SMURF1: variants seen among roughly 807,000 people sequenced by gnomAD.
The protein encoded by SMURF1 is SMAD specific E3 ubiquitin protein ligase 1.
SMURF1 carries 44 observed loss-of-function variants against 98.0 expected under a neutral mutation model. The observed-to-expected ratio is 0.45, with a 90% CI of 0.35 to 0.58. SMURF1 has a LOEUF of 0.58. Among genes scored for constraint, SMURF1 ranks in the 20% least tolerant of loss-of-function variants. SMURF1 has a pLI of 0.00. For missense variants in SMURF1, 687 were observed against 938.4 expected (o/e 0.73, Z 3.50); for synonymous variants, 396 against 374.9 (o/e 1.06, Z -0.65).
chr7:99,049,656 T>A lies in SMURF1; in HGVS notation c.860A>T (p.Glu287Val). 1 of 1,614,194 alleles carries A rather than the reference T, an allele frequency of 6.2e-7. No individual in the cohort carries two copies. Among genetic ancestry groups the A allele is most frequent in the Non-Finnish European group, 8.5e-7 (1 of 1,180,024 alleles). ...CCTCCCAGAAACTGTACTTCTGACT[T>A]CCCAGCCTGGCGGCAGTGGTCCAAG... ...DELGPLPPGW[E>V]VRSTVSGRIY... Residue 287 changes from glutamate (E) to valine (V), a missense_variant, in exon 9 of 18, where the codon GAA (glutamate) becomes GTA (valine). Glu to Val is a moderately radical substitution (Grantham distance 121). This residue lies in a region of SMURF1 where 415 missense variants were observed against 508.4 expected (regional missense o/e 0.82). Coordinates refer to ENST00000361368, the MANE Select transcript of SMURF1 (RefSeq NM_181349.3).
intron 1 of SMURF1, among the ~76,000 whole-genome samples, chr7:99,142,944 A>C (rs35393768): frequency 7.3e-6 from 1 of 136,066 alleles, no homozygotes. Context: ...GGGGGTAAAA[A>C]CGGCGGAGGA....
chr7:99,113,333 C>T (rs761706562), intron 1 of SMURF1, among the ~76,000 whole-genome samples: 3 of 152,000 alleles, frequency 2.0e-5, no homozygotes, highest in African/African-American at 7.2e-5. Context: ...CATCTGACAT[C>T]GCATCAGAAA....
intron 1 of SMURF1, among the ~76,000 whole-genome samples, chr7:99,063,602 A>G (rs1459687534): frequency 6.6e-6 from 1 of 151,644 alleles, no homozygotes; most frequent in Non-Finnish European, 1.5e-5. Flanking sequence ...GATACGATTT[A>G]TATACCACAC....
rs191328941 is a variant in SMURF1, at chr7:99,101,253, T to A, written c.56-39416A>T. ...TGGGTGCAGTGGTGTGTGCCTGTAGTCCCAGCTACTCAGGAGGCTGAGGTG... is the reference window on the plus strand; with the variant it reads ...TGGGTGCAGTGGTGTGTGCCTGTAGACCCAGCTACTCAGGAGGCTGAGGTG... On this transcript the variant is annotated intron_variant, in intron 1 of 17. Coordinates refer to ENST00000361368, the MANE Select transcript of SMURF1 (RefSeq NM_181349.3). Among the ~76,000 whole-genome samples the A allele has an allele frequency of 3.4e-4, 52 of 152,260 alleles. No individual in the cohort carries two copies. The East Asian group carries it at 9.8e-3, about 29-fold the overall frequency.
intron 6 of SMURF1, among the ~76,000 whole-genome samples, chr7:99,054,304 G>GTTGTTTGT (rs775397741): frequency 1.3e-5 from 2 of 151,928 alleles, no homozygotes; most frequent in African/African-American, 4.8e-5. Context: ...CACAACCCCA[G>GTTGTTTGT]TTGTTTGTTT....
At chr7:99,095,454 T>A (rs1217269800) in intron 1 of SMURF1, among the ~76,000 whole-genome samples, 2 of 152,224 alleles carry the variant, frequency 1.3e-5, no homozygotes, top group Non-Finnish European at 2.9e-5. Context: ...GTGGTCCAGA[T>A]AATCTCTTAA....
intron 12 of SMURF1, 84 bp from the exon 13 acceptor site, chr7:99,040,640 G>GA: frequency 7.7e-7 from 1 of 1,292,698 alleles, no homozygotes; most frequent in Non-Finnish European, 1.0e-6. Flanking sequence ...AGCTTCTTGG[G>GA]AAAAGTGTCC....
chr7:99,125,526 C>CCTAATCTATTTGTGAA (rs1797726252), intron 1 of SMURF1, among the ~76,000 whole-genome samples: 2 of 152,234 alleles, frequency 1.3e-5, no homozygotes, highest in African/African-American at 4.8e-5. Context: ...CAGTAACACA[C>CCTAATCTATTTGTGAA]TTTGTGAATG....
At chr7:99,041,946 G>T (rs1382872240) in intron 12 of SMURF1, among the ~76,000 whole-genome samples, 172 bp downstream of exon 12, 2 of 152,134 alleles carry the variant, frequency 1.3e-5, no homozygotes, top group Non-Finnish European at 2.9e-5. Flanking sequence ...TGAAAATACA[G>T]GATTGGAATC....
intron 5 of SMURF1, among the ~76,000 whole-genome samples, chr7:99,055,924 C>G (rs1795865892): frequency 6.6e-6 from 1 of 152,120 alleles, no homozygotes; most frequent in Admixed American, 6.5e-5. Flanking sequence ...TAAGATCATG[C>G]CACTGCACTC....
chr7:99,060,935 G>A (rs1796020964), intron 2 of SMURF1, among the ~76,000 whole-genome samples: 1 of 151,602 alleles, frequency 6.6e-6, no homozygotes, highest in Non-Finnish European at 1.5e-5. Flanking sequence ...TTCTATTAAA[G>A]TGGGGCTAAT....
chr7:99,090,494 A>C (rs1045595957), intron 1 of SMURF1, among the ~76,000 whole-genome samples: 1 of 152,092 alleles, frequency 6.6e-6, no homozygotes, highest in African/African-American at 2.4e-5. Flanking sequence ...CAGCAAAGGG[A>C]CAGAGAGGAG....
At chr7:99,038,656 C>T in intron 13 of SMURF1, 131 bp from the exon 14 acceptor site, 1 of 1,028,192 alleles carries the variant, frequency 9.7e-7, no homozygotes, top group Admixed American at 2.7e-5. Context: ...GACACAGAAC[C>T]TGCGTGGGGG....
intron 5 of SMURF1, 96 bp from the exon 6 acceptor site, chr7:99,054,961 T>C (rs952624957): frequency 6.0e-6 from 7 of 1,167,578 alleles, no homozygotes; most frequent in Non-Finnish European, 8.9e-6. Context: ...ATGTACAATA[T>C]CATAAAAAAC....
At chr7:99,132,160 A>G (rs917032727) in intron 1 of SMURF1, among the ~76,000 whole-genome samples, 21 of 152,182 alleles carry the variant, frequency 1.4e-4, no homozygotes, top group African/African-American at 5.1e-4. Context: ...ATAGTCAAAG[A>G]AACCCCAAGC....
chr7:99,133,629 A>C (rs1306199134), intron 1 of SMURF1, among the ~76,000 whole-genome samples: 1 of 152,208 alleles, frequency 6.6e-6, no homozygotes, highest in Non-Finnish European at 1.5e-5. Context: ...ACATATGCCT[A>C]TTCCACAGTC....
chr7:99,090,956 G>T (rs753587989), intron 1 of SMURF1, among the ~76,000 whole-genome samples: 3 of 152,156 alleles, frequency 2.0e-5, no homozygotes, highest in Admixed American at 2.0e-4. Flanking sequence ...GCAAGCTACT[G>T]CCTGTGTTTG....
At chr7:99,050,926 T>C in intron 8 of SMURF1, 1 of 1,549,316 alleles carries the variant, frequency 6.5e-7, no homozygotes, top group Non-Finnish European at 8.7e-7. Flanking sequence ...TGGGCTCAGA[T>C]GTATGGCCTT....
intron 1 of SMURF1, among the ~76,000 whole-genome samples, chr7:99,142,258 T>G (rs1798137819): frequency 1.3e-5 from 2 of 152,174 alleles, no homozygotes; most frequent in African/African-American, 4.8e-5. Flanking sequence ...AGCCTGCGTG[T>G]GGGCAGCTTC....
Sources: allele counts gnomAD v4.1 joint callset (sites outside exome capture counted in the v4.1 genomes callset), GRCh38; gene constraint gnomAD v4.1.1; regional missense constraint gnomAD v4.1.1; transcripts MANE v1.5; gene names NCBI Gene and HGNC (gene_info 2026-07-23, HGNC 2026-07-21).